The following COL4A4 variants were observed in gnomAD, a reference collection of about 807,000 sequenced individuals.
COL4A4 encodes the protein collagen type IV alpha 4 chain.
A neutral mutation model predicts 192.9 loss-of-function variants in COL4A4; 105 were observed. The ratio of observed to expected loss-of-function variants is 0.54; its 90% confidence interval spans 0.46 to 0.64. The LOEUF is 0.64. Among genes scored for constraint, COL4A4 ranks in the 30% least tolerant of loss-of-function variants. The pLI is 0.00. For synonymous variants in COL4A4, 762 were observed against 769.9 expected (o/e 0.99, Z 0.17); for missense variants, 1,967 against 2,169.3 (o/e 0.91, Z 1.85).
intron 25 of COL4A4, among the ~76,000 whole-genome samples, chr2:227,067,377 T>G (rs1470955754): frequency 6.6e-6 from 1 of 152,122 alleles, no homozygotes; most frequent in East Asian, 1.9e-4. Flanking sequence ...CTAATAGACA[T>G]CTACAGAACT....
At chr2:227,142,757 CAAAA>C (rs35268319) in intron 3 of COL4A4, among the ~76,000 whole-genome samples, 1 of 66,912 alleles carries the variant, frequency 1.5e-5, no homozygotes. Context: ...CCCTGTCTCA[CAAAA>C]AAAAAAAAAA....
At chr2:226,995,371 G>A in the COL4A4 span, 2 of 1,026,760 alleles carry the variant, frequency 1.9e-6, no homozygotes, top group African/African-American at 3.1e-5. Context: ...TGGAATCCTA[G>A]GGTACACATG....
chr2:227,054,258 C>T (rs1002038365), intron 31 of COL4A4, among the ~76,000 whole-genome samples: 9 of 152,156 alleles, frequency 5.9e-5, no homozygotes, highest in Admixed American at 1.3e-4. Context: ...TTACCAACTT[C>T]TGTTCTAACT....
chr2:226,991,186 T>C, the COL4A4 span, among the ~76,000 whole-genome samples: 2 of 152,220 alleles, frequency 1.3e-5, no homozygotes, highest in African/African-American at 4.8e-5. Context: ...TGTCATTTTA[T>C]ATATCTCTTT....
the COL4A4 span, among the ~76,000 whole-genome samples, chr2:226,992,343 C>T: frequency 6.6e-6 from 1 of 152,186 alleles, no homozygotes; most frequent in Non-Finnish European, 1.5e-5. Context: ...ACATTCTCCT[C>T]AGATCAACTC....
At chr2:227,150,840 G>A (rs2063886736) in intron 1 of COL4A4, among the ~76,000 whole-genome samples, 1 of 151,678 alleles carries the variant, frequency 6.6e-6, no homozygotes, top group Non-Finnish European at 1.5e-5. Context: ...CTTGACATGT[G>A]GAGATTATTA....
intron 3 of COL4A4, among the ~76,000 whole-genome samples, chr2:227,142,148 T>A (rs942527290): frequency 1.3e-5 from 2 of 149,796 alleles, no homozygotes; most frequent in Non-Finnish European, 3.0e-5. Context: ...AGGTTTGACT[T>A]GGATCAGTAA....
In COL4A4 at chr2:227,025,662, T is replaced by C. The variant is rs530439466; in HGVS notation, c.4090+140A>G. 4 of 729,972 alleles carry C rather than the reference T, an allele frequency of 5.5e-6. No individual in the cohort carries two copies. The East Asian group carries it at 1.0e-4, about 19-fold the overall frequency. The allele number at this position is 729,972 out of a possible 1,614,324, so 45.2% of individuals were successfully genotyped here. A position where few individuals can be genotyped will look rare whatever the true frequency, so the allele number is the denominator to read the frequency against. On this transcript the variant is annotated intron_variant, in intron 43 of 47. Coordinates refer to ENST00000396625, the MANE Select transcript of COL4A4 (RefSeq NM_000092.5). ...TATCTGTAACGAGGAAGCAAAACAC[T>C]GCAGCTTAATATCCTTACAGCACCC...
At chr2:227,104,414 CAAAAAAAAA>C (rs60259710) in intron 12 of COL4A4, among the ~76,000 whole-genome samples, 1 of 96,874 alleles carries the variant, frequency 1.0e-5, no homozygotes, top group Non-Finnish European at 1.9e-5. Flanking sequence ...ACTAAAAATA[CAAAAAAAAA>C]AAAAAAAAAT....
At chr2:227,130,774 G>T (rs373127018) in intron 4 of COL4A4, among the ~76,000 whole-genome samples, 3 of 152,124 alleles carry the variant, frequency 2.0e-5, no homozygotes, top group Non-Finnish European at 4.4e-5. Context: ...CCCCTGAAAC[G>T]TGCTTCCTGA....
chr2:227,125,329 T>C (rs2062023466), intron 4 of COL4A4, among the ~76,000 whole-genome samples: 1 of 151,746 alleles, frequency 6.6e-6, no homozygotes, highest in Non-Finnish European at 1.5e-5. Context: ...TGCCTCAGCC[T>C]CCCCCCGTAG....
Position 227,002,986 on chromosome 2 carries a change from C to G in COL4A4, c.*4339G>C, listed in dbSNP as rs1226084260. The G allele has an allele frequency of 6.6e-6, 1 of 152,614 alleles. No individual in the cohort carries two copies. Among genetic ancestry groups the G allele is most frequent in the East Asian group, 1.9e-4 (1 of 5,198 alleles). The allele number at this position is 152,614 out of a possible 1,614,324, so 9.5% of individuals were successfully genotyped here. A position where few individuals can be genotyped will look rare whatever the true frequency, so the allele number is the denominator to read the frequency against. On this transcript the variant is annotated 3_prime_UTR_variant, in exon 48 of 48. Transcript: ENST00000396625. ...CCTTGGTGGTTTAAAATGCATTATG[C>G]AGAGTTTCTAGCAGATGATAACAGT...
chr2:227,092,828 T>C lies in COL4A4; in HGVS notation c.1369+1297A>G, dbSNP rs571472451. On this transcript the variant is annotated intron_variant, in intron 20 of 47. Coordinates refer to ENST00000396625, the MANE Select transcript of COL4A4 (RefSeq NM_000092.5). ...GAGTAGAAAATGTGCACATGTCGGG[T>C]GAGGGGTTGGTGAAAGAAAGCTAAA... is the stretch of plus-strand genomic sequence containing the variant. Among the ~76,000 whole-genome samples the C allele has an allele frequency of 1.5e-4, 23 of 152,076 alleles. No homozygotes were observed. The South Asian group carries it at 4.8e-3, about 32-fold the overall frequency.
intron 4 of COL4A4, among the ~76,000 whole-genome samples, chr2:227,132,632 C>T (rs765817176): frequency 1.1e-4 from 17 of 152,052 alleles, no homozygotes; most frequent in African/African-American, 2.4e-4. Context: ...AAAAATTAGC[C>T]GGGCATGGTG....
chr2:227,044,806 A>C (rs12621808), intron 35 of COL4A4, among the ~76,000 whole-genome samples: 78,575 of 151,938 alleles, frequency 0.52, 20,515 homozygotes, highest in South Asian at 0.63. Context: ...AAGTTCAATG[A>C]AGCCTTCTCC....
rs114427932 is a variant in COL4A4, at chr2:227,047,113, G to A, written c.3289+362C>T. 5.8e-3 allele frequency among the ~76,000 whole-genome samples: 877 copies of A among 152,056 alleles called. 23 individuals are homozygous for A. The highest frequency in any genetic ancestry group is 0.02 in the African/African-American group (840 of 41,374). ...TGTAGTCATTGTGAGTGGTTATTGC[G>A]AATGCATCATTTTAAATGATAGAGG... is the stretch of plus-strand genomic sequence containing the variant. On this transcript the variant is annotated intron_variant, in intron 35 of 47. Coordinates refer to ENST00000396625, the MANE Select transcript of COL4A4 (RefSeq NM_000092.5).
chr2:227,027,230 T>A (rs1967035773), intron 42 of COL4A4, among the ~76,000 whole-genome samples: 1 of 141,934 alleles, frequency 7.0e-6, no homozygotes. Flanking sequence ...CCAGCCTGGA[T>A]GACAGAGCAA....
At chr2:226,969,329 A>T in the COL4A4 span, among the ~76,000 whole-genome samples, 4 of 151,068 alleles carry the variant, frequency 2.6e-5, no homozygotes, top group African/African-American at 9.7e-5. Flanking sequence ...ATCCCTGTAT[A>T]TAAGTCTGTG....
chr2:227,004,668 A>C lies in COL4A4; in HGVS notation c.*2657T>G, dbSNP rs1336741415. ...TAGCCATCCAAAGCAGCGATGACTC[A>C]GCTTTCAATGTGGGGAGTGTGAGAG... On this transcript the variant is annotated 3_prime_UTR_variant, in exon 48 of 48. Coordinates refer to ENST00000396625, the MANE Select transcript of COL4A4 (RefSeq NM_000092.5). The C allele has an allele frequency of 6.6e-6, 1 of 152,248 alleles. No individual in the cohort carries two copies. The highest frequency in any genetic ancestry group is 1.5e-5 in the Non-Finnish European group (1 of 68,070). 9.4% of individuals were successfully genotyped at this position (152,248 alleles called of 1,614,324 possible). A position where few individuals can be genotyped will look rare whatever the true frequency, so the allele number is the denominator to read the frequency against.
Sources: allele counts gnomAD v4.1 joint callset (sites outside exome capture counted in the v4.1 genomes callset), GRCh38; gene constraint gnomAD v4.1.1; transcripts MANE v1.5; gene names NCBI Gene and HGNC (gene_info 2026-07-23, HGNC 2026-07-21).